CFAP20DC: variants seen among roughly 807,000 people sequenced by gnomAD.
CFAP20DC encodes the protein CFAP20 domain containing.
A neutral mutation model predicts 101.7 loss-of-function variants in CFAP20DC; 84 were observed. The observed-to-expected ratio is 0.83, with a 90% CI of 0.69 to 0.99. The LOEUF is 0.99. Among genes scored for constraint, CFAP20DC ranks in the 50% least tolerant of loss-of-function variants. CFAP20DC has a pLI of 0.00. For synonymous variants in CFAP20DC, 359 were observed against 351.2 expected (o/e 1.02, Z -0.25); for missense variants, 1,007 against 970.3 (o/e 1.04, Z -0.50).
chr3:58,985,744 C>T (rs561250998), intron 4 of CFAP20DC, among the ~76,000 whole-genome samples: 1 of 152,284 alleles, frequency 6.6e-6, no homozygotes, highest in South Asian at 2.1e-4. Context: ...AAAATAAAAA[C>T]TCTATTTTAT....
chr3:58,797,449 G>A (rs911218343), intron 15 of CFAP20DC, among the ~76,000 whole-genome samples: 2 of 152,140 alleles, frequency 1.3e-5, no homozygotes, highest in Non-Finnish European at 2.9e-5. Flanking sequence ...TTTGAAGATT[G>A]AGAGAGGTAA....
intron 14 of CFAP20DC, among the ~76,000 whole-genome samples, chr3:58,828,649 G>C (rs957400956): frequency 1.3e-5 from 2 of 152,152 alleles, no homozygotes; most frequent in African/African-American, 4.8e-5. Flanking sequence ...GACTGCTAAA[G>C]GAGAGAGGGA....
chr3:58,862,501 A>T, intron 12 of CFAP20DC: 1 of 985,442 alleles, frequency 1.0e-6, no homozygotes, highest in Non-Finnish European at 1.2e-6. Flanking sequence ...CAGAAGCAAG[A>T]ATATTGTGAA....
chr3:58,780,399 G>A (rs1049164539), intron 15 of CFAP20DC, among the ~76,000 whole-genome samples: 7 of 151,940 alleles, frequency 4.6e-5, no homozygotes, highest in African/African-American at 1.7e-4. Context: ...GTAAAACAAC[G>A]GAAAATCAAG....
At chr3:58,764,583 A>C (rs1010198598) in intron 15 of CFAP20DC, among the ~76,000 whole-genome samples, 1 of 152,130 alleles carries the variant, frequency 6.6e-6, no homozygotes, top group African/African-American at 2.4e-5. Context: ...CTCAGTTGGA[A>C]ATGCAGAAAT....
At chr3:58,959,229 G>C (rs2090917552) in intron 4 of CFAP20DC, among the ~76,000 whole-genome samples, 1 of 152,150 alleles carries the variant, frequency 6.6e-6, no homozygotes, top group African/African-American at 2.4e-5. Context: ...CAAATAGCTG[G>C]GATTACAGGC....
intron 12 of CFAP20DC, among the ~76,000 whole-genome samples, chr3:58,855,407 A>G (rs1401199590): frequency 2.6e-5 from 4 of 152,304 alleles, no homozygotes; most frequent in African/African-American, 9.6e-5. Context: ...AACTAGTTCA[A>G]CCACTGTGGA....
chr3:58,895,468 G>T (rs888822290), intron 6 of CFAP20DC, among the ~76,000 whole-genome samples: 4 of 152,176 alleles, frequency 2.6e-5, no homozygotes, highest in Non-Finnish European at 5.9e-5. Context: ...AATCACCTTT[G>T]CTCCAGTTCT....
At chr3:58,771,508 G>T (rs893459875) in intron 15 of CFAP20DC, among the ~76,000 whole-genome samples, 1 of 152,042 alleles carries the variant, frequency 6.6e-6, no homozygotes, top group East Asian at 1.9e-4. Context: ...GTTATAAGGG[G>T]ATCGGAACAA....
intron 4 of CFAP20DC, among the ~76,000 whole-genome samples, chr3:59,025,255 C>T (rs185406083): frequency 2.1e-3 from 317 of 152,144 alleles, no homozygotes; most frequent in South Asian, 5.2e-3. Flanking sequence ...CATGTTTATG[C>T]CCATCATTTC....
chr3:58,881,890 C>T (rs1197224908), intron 7 of CFAP20DC, among the ~76,000 whole-genome samples: 1 of 152,102 alleles, frequency 6.6e-6, no homozygotes, highest in African/African-American at 2.4e-5. Flanking sequence ...ATTAGCTACA[C>T]CTTTCAAATG....
chr3:58,763,252 TC>T (rs1434758593), intron 15 of CFAP20DC, among the ~76,000 whole-genome samples: 1 of 152,212 alleles, frequency 6.6e-6, no homozygotes, highest in African/African-American at 2.4e-5. Flanking sequence ...TATTCTTTTT[TC>T]TCTAAACTTT....
At chr3:58,948,269 C>T (rs1234045013) in intron 4 of CFAP20DC, among the ~76,000 whole-genome samples, 2 of 152,176 alleles carry the variant, frequency 1.3e-5, no homozygotes, top group Non-Finnish European at 2.9e-5. Context: ...CTTGGAAAGC[C>T]CCTTCTCTCT....
chr3:59,026,401 T>C (rs2093893385), intron 4 of CFAP20DC, among the ~76,000 whole-genome samples: 1 of 152,202 alleles, frequency 6.6e-6, no homozygotes, highest in Non-Finnish European at 1.5e-5. Flanking sequence ...TCTTTGCATT[T>C]GGTTAACATC....
intron 6 of CFAP20DC, among the ~76,000 whole-genome samples, chr3:58,896,839 G>A (rs2082704880): frequency 6.6e-6 from 1 of 152,118 alleles, no homozygotes; most frequent in South Asian, 2.1e-4. Flanking sequence ...GTCATGTGGG[G>A]ATGAGAAGAA....
chr3:58,833,872 C>T (rs2076561468), intron 13 of CFAP20DC, among the ~76,000 whole-genome samples: 1 of 152,152 alleles, frequency 6.6e-6, no homozygotes, highest in Admixed American at 6.5e-5. Context: ...TGGAATATTA[C>T]TCAGCCTAAA....
At chr3:58,881,292 T>C (rs1234392987) in intron 7 of CFAP20DC, among the ~76,000 whole-genome samples, 2 of 152,166 alleles carry the variant, frequency 1.3e-5, no homozygotes, top group Non-Finnish European at 2.9e-5. Context: ...AGTAAGTTAC[T>C]AGTTTTGATT....
chr3:58,916,888 G>A (rs2084794115), intron 5 of CFAP20DC, among the ~76,000 whole-genome samples: 1 of 151,974 alleles, frequency 6.6e-6, no homozygotes, highest in South Asian at 2.1e-4. Flanking sequence ...ACCAACAGGT[G>A]GATTATCTGA....
chr3:58,793,056 G>A (rs1216945902), intron 15 of CFAP20DC, among the ~76,000 whole-genome samples: 6 of 152,026 alleles, frequency 3.9e-5, no homozygotes, highest in African/African-American at 1.2e-4. Context: ...GGCCCAAAAT[G>A]TTTTTAAGGT....
Sources: allele counts gnomAD v4.1 joint callset (sites outside exome capture counted in the v4.1 genomes callset), GRCh38; gene constraint gnomAD v4.1.1; transcripts MANE v1.5; gene names NCBI Gene and HGNC (gene_info 2026-07-23, HGNC 2026-07-21).